RPH3AL: variants seen among roughly 807,000 people sequenced by gnomAD.
The protein encoded by RPH3AL is rab effector Noc2.
A neutral mutation model predicts 43.1 loss-of-function variants in RPH3AL; 38 were observed. The ratio of observed to expected loss-of-function variants is 0.88; its 90% CI spans 0.68 to 1.15. The LOEUF (loss-of-function observed/expected upper bound fraction) is 1.15, where lower values mean the gene tolerates loss of function less well. Among genes scored for constraint, RPH3AL ranks in the 50% most tolerant of loss-of-function variants. RPH3AL has a pLI of 0.00. For missense variants in RPH3AL, 462 were observed against 423.2 expected (o/e 1.09, Z -0.81); for synonymous variants, 189 against 176.3 (o/e 1.07, Z -0.57).
rs561627268 is a variant in RPH3AL at position 250,906 on chromosome 17, C to T, written c.439-3621G>A. 1.1e-4 allele frequency among the ~76,000 whole-genome samples: 16 copies of T among 152,354 alleles called. 2 individuals carry two copies. Among genetic ancestry groups the T allele is most frequent in the African/African-American group, 2.6e-4 (11 of 41,574 alleles). ...GGACCTCTCAGAGCCTAAGCGCCAT[C>T]GCTGCAGGACCTCTCAGAGCCTTTA... On this transcript the variant is annotated intron_variant, in intron 6 of 9. Coordinates refer to ENST00000331302, the MANE Select transcript of RPH3AL (RefSeq NM_006987.4).
At chr17:217,533 G>T (rs2040838978) in intron 8 of RPH3AL, among the ~76,000 whole-genome samples, 1 of 71,014 alleles carries the variant, frequency 1.4e-5, no homozygotes, top group African/African-American at 5.1e-5. Flanking sequence ...TGGCCTCACT[G>T]GAATCAGGAC....
chr17:252,306 T>A (rs902750366), intron 6 of RPH3AL, among the ~76,000 whole-genome samples: 1 of 152,042 alleles, frequency 6.6e-6, no homozygotes, highest in African/African-American at 2.4e-5. Context: ...GAAAAATACA[T>A]ACCTAGCATA....
At chr17:273,120 AGGGTGACGTCAGGGAGAGACCCCAGCG>A (rs2042548287) in intron 6 of RPH3AL, among the ~76,000 whole-genome samples, 2 of 83,510 alleles carry the variant, frequency 2.4e-5, no homozygotes, top group Admixed American at 1.3e-4. Flanking sequence ...GACCCCAGCG[AGGGTGACGTCAGGGAGAGACCCCAGCG>A]AGGGTGATGT....
intron 3 of RPH3AL, among the ~76,000 whole-genome samples, chr17:324,249 C>T (rs533718405): frequency 5.4e-4 from 83 of 152,312 alleles, no homozygotes; most frequent in African/African-American, 1.9e-3. Flanking sequence ...CAGTCTCCCC[C>T]AGGGCCGCCT....
chr17:319,873 G>A (rs563165920), intron 4 of RPH3AL, among the ~76,000 whole-genome samples: 4 of 63,658 alleles, frequency 6.3e-5, no homozygotes, highest in Non-Finnish European at 9.0e-5. Flanking sequence ...AGAGAGCAGC[G>A]CTATGAAATG....
At chr17:314,827 T>C (rs867760485) in intron 5 of RPH3AL, among the ~76,000 whole-genome samples, 328 of 5,262 alleles carry the variant, frequency 0.062, 18 homozygotes, top group African/African-American at 0.22. Flanking sequence ...ACCTGTAGTC[T>C]CTGTGCTCCA....
chr17:282,271 G>A (rs12453152), intron 5 of RPH3AL, among the ~76,000 whole-genome samples: 16,494 of 152,246 alleles, frequency 0.11, 1,665 homozygotes, highest in East Asian at 0.54. Flanking sequence ...AGAAACATAC[G>A]TTTGCGTATA....
chr17:311,227 C>T (rs1345507268), intron 5 of RPH3AL, among the ~76,000 whole-genome samples: 6 of 152,204 alleles, frequency 3.9e-5, no homozygotes, highest in African/African-American at 1.4e-4. Context: ...CTGGAGCATG[C>T]CCCGTCCCTC....
Position 269,112 on chromosome 17 carries a change from T to C in RPH3AL, c.438+12656A>G, listed in dbSNP as rs2042399337. Among the ~76,000 whole-genome samples the C allele has an allele frequency of 4.6e-5, 7 of 152,260 alleles. No individual in the cohort carries two copies. The South Asian group carries it at 1.5e-3, about 32-fold the overall frequency. On this transcript the variant is annotated intron_variant, in intron 6 of 9. Transcript: ENST00000331302. ...CCAGGATGGTCTCGATCTCCTGACC[T>C]CATAATCCGCCCGCCTTGGCTTCCT...
At chr17:339,460 A>G (rs2045054385) in intron 1 of RPH3AL, 2 of 152,346 alleles carry the variant, frequency 1.3e-5, no homozygotes. Context: ...CTGACCCTGC[A>G]CTACCAAACT....
rs1322048786 is a variant in RPH3AL, at chr17:319,401, G to A, written c.351+19C>T. The A allele has an allele frequency of 1.9e-6, 3 of 1,609,040 alleles. No homozygotes were observed. The South Asian group carries it at 3.3e-5, about 18-fold the overall frequency. On this transcript the variant is annotated intron_variant, in intron 5 of 9. Coordinates refer to ENST00000331302, the MANE Select transcript of RPH3AL (RefSeq NM_006987.4). ...CCAGGCTGGGAAGCCAGAATGACAGGGCCAGAGCAGGGTCTTACCTTCCTG... is the reference window on the plus strand; with the variant it reads ...CCAGGCTGGGAAGCCAGAATGACAGAGCCAGAGCAGGGTCTTACCTTCCTG...
At chr17:230,224 T>C (rs915408984) in intron 7 of RPH3AL, among the ~76,000 whole-genome samples, 11 of 152,070 alleles carry the variant, frequency 7.2e-5, no homozygotes, top group Admixed American at 6.5e-5. Context: ...ACTCCCTCCT[T>C]CAGGCCCAGA....
At chr17:329,496 A>G (rs1156932830) in intron 2 of RPH3AL, among the ~76,000 whole-genome samples, 1 of 152,214 alleles carries the variant, frequency 6.6e-6, no homozygotes, top group Non-Finnish European at 1.5e-5. Flanking sequence ...ATAGATATAC[A>G]TATATTCTTG....
At chr17:314,553 CTCTGTGCCCCA>C (rs2043810715) in intron 5 of RPH3AL, among the ~76,000 whole-genome samples, 1 of 148,638 alleles carries the variant, frequency 6.7e-6, no homozygotes, top group Non-Finnish European at 1.5e-5. Context: ...GACCTGTAGT[CTCTGTGCCCCA>C]CCTCCACTGA....
intron 8 of RPH3AL, among the ~76,000 whole-genome samples, chr17:218,843 T>G (rs1301678666): frequency 6.6e-6 from 1 of 152,222 alleles, no homozygotes; most frequent in African/African-American, 2.4e-5. Context: ...CAGCAGGTCC[T>G]GGGGACCCCA....
chr17:329,166 A>G (rs963380772), intron 2 of RPH3AL, among the ~76,000 whole-genome samples: 1 of 152,166 alleles, frequency 6.6e-6, no homozygotes, highest in Non-Finnish European at 1.5e-5. Context: ...CCATGAAAAA[A>G]AAAATGAATT....
intron 6 of RPH3AL, among the ~76,000 whole-genome samples, chr17:276,485 G>A (rs761384525): frequency 6.6e-5 from 10 of 152,276 alleles, no homozygotes; most frequent in South Asian, 6.2e-4. Context: ...TCCACCCCCC[G>A]GGCAGAAGTG....
At chr17:218,594 G>T (rs2040872556) in intron 8 of RPH3AL, among the ~76,000 whole-genome samples, 1 of 152,226 alleles carries the variant, frequency 6.6e-6, no homozygotes, top group South Asian at 2.1e-4. Flanking sequence ...GACCTGTGGA[G>T]TGACCGAATG....
intron 5 of RPH3AL, among the ~76,000 whole-genome samples, chr17:314,020 C>G (rs1171159063): frequency 6.6e-6 from 1 of 152,204 alleles, no homozygotes; most frequent in Non-Finnish European, 1.5e-5. Flanking sequence ...ACAGAAACGC[C>G]CGGACCAGCC....
Sources: allele counts gnomAD v4.1 joint callset (sites outside exome capture counted in the v4.1 genomes callset), GRCh38; gene constraint gnomAD v4.1.1; transcripts MANE v1.5; gene names NCBI Gene and HGNC (gene_info 2026-07-23, HGNC 2026-07-21).